The following IL1R1 variants were observed in gnomAD, a reference collection of about 807,000 sequenced individuals.
The protein encoded by IL1R1 is interleukin 1 receptor type 1, also known as interleukin-1 receptor type 1.
In IL1R1, 22 loss-of-function variants were observed where a neutral mutation model predicts 50.2. The observed-to-expected ratio is 0.44, with a 90% CI of 0.31 to 0.63. IL1R1 has a LOEUF of 0.63. Among genes scored for constraint, IL1R1 ranks in the 20% least tolerant of loss-of-function variants. IL1R1 has a pLI of 0.07. For synonymous variants in IL1R1, 251 were observed against 236.7 expected, an observed-to-expected ratio of 1.06 and a Z score of -0.55; for missense variants, 509 against 676.2, an observed-to-expected ratio of 0.75 and a Z score of 2.74.
Position 102,164,912 on chromosome 2 carries a change from C to G in IL1R1, c.200C>G (p.Ser67Cys). The G allele has an allele frequency of 6.2e-7, 1 of 1,614,086 alleles. No homozygotes were observed. Among genetic ancestry groups the G allele is most frequent in the African/African-American group, 1.3e-5 (1 of 75,044 alleles). ...WYKDDSKTPVSTEQASRIHQH... is the reference protein window; with the variant it reads ...WYKDDSKTPVCTEQASRIHQH... ...AAAGATGACAGCAAGACACCTGTAT[C>G]TACAGAACAAGCCTCCAGGATTCAT... The change falls in exon 4 of 12, where the codon TCT becomes TGT. Residue 67 changes from serine to cysteine, a missense_variant. Coordinates refer to ENST00000410023, the MANE Select transcript of IL1R1 (RefSeq NM_000877.4).
chr2:102,071,051 A>G (rs572483655), intron 1 of IL1R1, among the ~76,000 whole-genome samples: 1 of 152,362 alleles, frequency 6.6e-6, no homozygotes, highest in African/African-American at 2.4e-5. Context: ...TATGTAAAAA[A>G]AAACACTAAG....
chr2:102,124,972 T>C (rs369304357), intron 1 of IL1R1, among the ~76,000 whole-genome samples: 2 of 152,110 alleles, frequency 1.3e-5, no homozygotes, highest in African/African-American at 2.4e-5. Context: ...GAGAACAGCA[T>C]GGGGGAACCA....
rs143758382 is a variant in IL1R1, at chr2:102,096,249, G to A, written c.-84+25716G>A. Reference sequence around the variant, plus strand: ...TGAGTGTTCCTCTACTCGCCTCATAGGGTGTGTACTCATGATATTCTTTAG... The same window carrying A: ...TGAGTGTTCCTCTACTCGCCTCATAAGGTGTGTACTCATGATATTCTTTAG... On this transcript the variant is annotated intron_variant, in intron 1 of 11. Coordinates refer to the IL1R1 transcript ENST00000409929. Among the ~76,000 whole-genome samples, 1,154 of 152,202 alleles carry A rather than the reference G, an allele frequency of 7.6e-3. 12 individuals carry two copies. The highest frequency in any genetic ancestry group is 0.025 in the African/African-American group (1,028 of 41,512).
chr2:102,078,570 A>T lies in IL1R1; in HGVS notation c.-84+8037A>T, dbSNP rs6716593. 2.4e-3 allele frequency among the ~76,000 whole-genome samples: 319 copies of T among 130,962 alleles called. 1 individual carries two copies. Among genetic ancestry groups the T allele is most frequent in the African/African-American group, 8.9e-3 (296 of 33,112 alleles). The allele number at this position is 130,962 out of a possible 152,430, so 85.9% of individuals were successfully genotyped here. The stretch of plus-strand genomic sequence containing the variant: ...TTAGCAGTCAAAAAACTTCACACAC[A>T]CACACACACACACACACACACACAC... On this transcript the variant is annotated intron_variant, in intron 1 of 11. Coordinates refer to the IL1R1 transcript ENST00000409929.
At chr2:102,126,366 C>G (rs944837964) in intron 1 of IL1R1, among the ~76,000 whole-genome samples, 2 of 152,170 alleles carry the variant, frequency 1.3e-5, no homozygotes, top group Non-Finnish European at 2.9e-5. Context: ...AGTGGCATTG[C>G]TGTTGGGGAT....
rs573382608 is a variant in IL1R1, at chr2:102,125,005, C to T, written c.-84+20133C>T. Among the ~76,000 whole-genome samples the T allele has an allele frequency of 7.4e-3, 1,134 of 152,328 alleles. 12 individuals are homozygous for T. Among genetic ancestry groups the T allele is most frequent in the African/African-American group, 0.025 (1,048 of 41,566 alleles). ...CCACCGCCATAATCCAATCACCTCC[C>T]ATCAGGTTCCTCCCTTGACACATGG... On this transcript the variant is annotated intron_variant, in intron 1 of 10. Coordinates refer to the IL1R1 transcript ENST00000409329.
At chr2:102,087,136 C>T (rs1187798815) in intron 1 of IL1R1, among the ~76,000 whole-genome samples, 1 of 151,980 alleles carries the variant, frequency 6.6e-6, no homozygotes, top group African/African-American at 2.4e-5. Context: ...AAACAATGTA[C>T]ATATCTTAGT....
chr2:102,129,130 G>A (rs577680317), intron 1 of IL1R1, among the ~76,000 whole-genome samples: 2 of 152,268 alleles, frequency 1.3e-5, no homozygotes, highest in South Asian at 2.1e-4. Context: ...AGGAATACTT[G>A]AGCCCAGGAG....
chr2:102,119,366 G>A (rs1352639232), intron 1 of IL1R1, among the ~76,000 whole-genome samples: 1 of 152,216 alleles, frequency 6.6e-6, no homozygotes, highest in Non-Finnish European at 1.5e-5. Context: ...TTGGCCTGCT[G>A]AAAATTAGAA....
At chr2:102,139,866 T>C (rs545882789), upstream of IL1R1, among the ~76,000 whole-genome samples, 1 of 152,296 alleles carries the variant, frequency 6.6e-6, no homozygotes, top group East Asian at 1.9e-4. Context: ...ATCTCTTTTC[T>C]TATAAATTTC....
intron 1 of IL1R1, among the ~76,000 whole-genome samples, chr2:102,106,688 A>G (rs781699089): frequency 2.0e-5 from 3 of 152,232 alleles, no homozygotes; most frequent in Non-Finnish European, 4.4e-5. Flanking sequence ...TGGTAGGTGT[A>G]TTTGTCTCTG....
At chr2:102,163,047 C>T (rs1461315269) in intron 3 of IL1R1, among the ~76,000 whole-genome samples, 1 of 152,018 alleles carries the variant, frequency 6.6e-6, no homozygotes, top group Non-Finnish European at 1.5e-5. Flanking sequence ...CTTTTTCTTT[C>T]AGTACTTTAA....
At chr2:102,072,626 T>C (rs185408070) in intron 1 of IL1R1, among the ~76,000 whole-genome samples, 1 of 152,346 alleles carries the variant, frequency 6.6e-6, no homozygotes. Context: ...TTTTCTTCTG[T>C]GGACTGTTTA....
chr2:102,174,494 C>G (rs2104640564), intron 9 of IL1R1, 93 bp from the exon 10 acceptor site: 1 of 916,672 alleles, frequency 1.1e-6, no homozygotes, highest in East Asian at 2.7e-5. Flanking sequence ...GATATGGGCT[C>G]TCTGAGACGA....
At chr2:102,163,017 G>A (rs755478669) in intron 3 of IL1R1, among the ~76,000 whole-genome samples, 66 of 152,172 alleles carry the variant, frequency 4.3e-4, no homozygotes, top group Non-Finnish European at 7.6e-4. Flanking sequence ...ATTTTCATGG[G>A]ATATGGAATT....
At chr2:102,072,369 G>A (rs1311946110) in intron 1 of IL1R1, among the ~76,000 whole-genome samples, 1 of 152,026 alleles carries the variant, frequency 6.6e-6, no homozygotes, top group Non-Finnish European at 1.5e-5. Context: ...AAGCCAAATA[G>A]AATATAGGTT....
At chr2:102,103,990 G>GAA (rs72041212), upstream of IL1R1, among the ~76,000 whole-genome samples, 13,130 of 83,652 alleles carry the variant, frequency 0.16, 1,388 homozygotes, top group Middle Eastern at 0.22. Flanking sequence ...GACTGTCTCA[G>GAA]AAAAAAAAAA....
intron 1 of IL1R1, among the ~76,000 whole-genome samples, chr2:102,151,429 G>C (rs1242088087): frequency 1.3e-5 from 2 of 152,160 alleles, no homozygotes; most frequent in Non-Finnish European, 2.9e-5. Context: ...AGGTAGGTAG[G>C]TGGATTCCTT....
At position 102,176,588 on chromosome 2, in the gene IL1R1, C is replaced by T; in HGVS notation, c.1539C>T (p.Ile513=). ...TCATTAAGCAGAAACATGGGGCTAT[C>T]CGCTGGTCAGGGGACTTTACACAGG... The part of the protein sequence containing the change: ...IKFIKQKHGA[I]RWSGDFTQGP... Residue 513 remains isoleucine, a synonymous_variant, in exon 12 of 12, where the codon ATC becomes ATT. Coordinates refer to ENST00000410023, the MANE Select transcript of IL1R1 (RefSeq NM_000877.4). 1 of 1,614,136 alleles carries T rather than the reference C, an allele frequency of 6.2e-7. No individual in the cohort carries two copies. Among genetic ancestry groups the T allele is most frequent in the South Asian group, 1.1e-5 (1 of 91,084 alleles).
Sources: allele counts gnomAD v4.1 joint callset (sites outside exome capture counted in the v4.1 genomes callset), GRCh38; gene constraint gnomAD v4.1.1; transcripts MANE v1.5; gene names NCBI Gene and HGNC (gene_info 2026-07-23, HGNC 2026-07-21).